Variants in DUSP9 observed in about 807,000 individuals in gnomAD.
The protein encoded by DUSP9 is dual specificity protein phosphatase 9.
A neutral mutation model predicts 13.2 loss-of-function variants in DUSP9; 4 were observed. That is an observed-to-expected ratio of 0.30 (90% confidence interval 0.15 to 0.69). DUSP9 has a LOEUF of 0.69. DUSP9 is among the 30% of genes least tolerant of loss of function. The pLI, the probability that DUSP9 is intolerant of heterozygous loss-of-function variation, is 0.73. For synonymous variants in DUSP9, 166 were observed against 172.3 expected (o/e 0.96, Z 0.29); for missense variants, 263 against 355.0 (o/e 0.74, Z 2.08).
chrX:153,649,987 C>T lies in DUSP9; in HGVS notation c.837C>T (p.Ala279=). 1 of 1,209,462 alleles carries T rather than the reference C, an allele frequency of 8.3e-7. No homozygotes were observed. Among genetic ancestry groups the T allele is most frequent in the Non-Finnish European group, 1.1e-6 (1 of 894,788 alleles). Residue 279 remains alanine (A), a synonymous_variant, in exon 4 of 4, where the codon GCC becomes GCT. Coordinates refer to ENST00000342782, the MANE Select transcript of DUSP9 (RefSeq NM_001318503.2). ...CTTTCCTGCCCCATCTAGATGAGGC[C>T]TTGTCCCAGAACTGCGGGGTGCTCG... ...FPEAIEFIDE[A]LSQNCGVLVH...
upstream of DUSP9, among the ~76,000 whole-genome samples, chrX:153,646,202 C>T (rs1323331712): frequency 1.8e-5 from 2 of 112,711 alleles, no homozygotes; most frequent in African/African-American, 3.2e-5. Context: ...GGTCTCCTGC[C>T]TCAGTGCTCA....
At chrX:153,645,053 G>A (rs782074331), upstream of DUSP9, among the ~76,000 whole-genome samples, 3 of 113,087 alleles carry the variant, frequency 2.7e-5, no homozygotes, top group African/African-American at 6.4e-5. Context: ...ACCCACAGCT[G>A]CAGTGGGCCT....
At chrX:153,649,708 C>T (rs781924125) in intron 3 of DUSP9, 21 bp downstream of exon 3, 1 of 1,155,035 alleles carries the variant, frequency 8.7e-7, no homozygotes, top group South Asian at 1.9e-5. Flanking sequence ...CCCACCCACC[C>T]TTCCCTCCTG....
At position 153,651,190 on chromosome X, in the gene DUSP9, G is replaced by T. The variant is rs1381314882; in HGVS notation, c.*885G>T. 2 of 112,965 alleles carry T rather than the reference G, an allele frequency of 1.8e-5. No homozygotes were observed. The highest frequency in any genetic ancestry group is 3.8e-5 in the Non-Finnish European group (2 of 53,301). 9.3% of individuals were successfully genotyped at this position (112,965 alleles called of 1,213,427 possible). A position where few individuals can be genotyped will look rare whatever the true frequency, so the allele number is the denominator to read the frequency against. On this transcript the variant is annotated 3_prime_UTR_variant, in exon 4 of 4. Coordinates refer to ENST00000342782, the MANE Select transcript of DUSP9 (RefSeq NM_001318503.2). ...AGCCCACTGATGCACCCAGCCCAGG[G>T]CTGGCAGTCTTTGCAGCGTGGGGCC...
rs781917662 is a variant in DUSP9, at chrX:153,650,288, G to A, written c.1138G>A (p.Glu380Lys). 28 of 1,192,335 alleles carry A rather than the reference G, an allele frequency of 2.3e-5. No homozygotes were observed. In the East Asian group the frequency reaches 5.4e-4, roughly 23 times the overall value. ...FTTPTSDGAF[E>K]LAPT ...CACCCCCACCAGTGATGGCGCCTTCGAGCTGGCCCCCACCTAGGGCCCCGT... is the reference window on the plus strand; with the variant it reads ...CACCCCCACCAGTGATGGCGCCTTCAAGCTGGCCCCCACCTAGGGCCCCGT... Residue 380 changes from glutamate to lysine, a missense_variant, in exon 4 of 4, where the codon GAG (glutamate) becomes AAG (lysine). Glu to Lys is a moderately conservative substitution (Grantham distance 56). Transcript: ENST00000342782.
chrX:153,643,570 C>A, upstream of DUSP9: 1 of 326,906 alleles, frequency 3.1e-6, no homozygotes, highest in Non-Finnish European at 6.1e-6. Context: ...CGGGGAGGGG[C>A]GGGGAGGCGG....
rs370510902 is a variant in DUSP9 at position 153,649,180 on chromosome X, C to T, written c.374-52C>T. On this transcript the variant is annotated intron_variant, in intron 2 of 3. Coordinates refer to ENST00000342782, the MANE Select transcript of DUSP9 (RefSeq NM_001318503.2). The stretch of plus-strand genomic sequence containing the variant: ...ATCTCCCCAGCCCCAGACAGAGGCA[C>T]TTGGCTGCCCAGAAGGCCAGGTCAG... 7.5e-4 allele frequency: 862 copies of T among 1,146,445 alleles called. 3 individuals are homozygous for T. The African/African-American group carries it at 0.014, about 18-fold the overall frequency. 94.5% of individuals were successfully genotyped at this position (1,146,445 alleles called of 1,213,427 possible).
chrX:153,649,614 C>A lies in DUSP9; in HGVS notation c.756C>A (p.Tyr252Ter). 8.3e-7 allele frequency: 1 copy of A among 1,212,038 alleles called. No individual in the cohort carries two copies. The change falls in exon 3 of 4, where the codon TAC (tyrosine) becomes TAA (stop). Residue 252 changes from tyrosine to a stop codon, truncating the protein, a stop_gained. Coordinates refer to ENST00000342782, the MANE Select transcript of DUSP9 (RefSeq NM_001318503.2). LOFTEE classifies it high-confidence loss of function. Reference protein sequence around the residue: ...NFFEKNGDFHYKQIPISDHWS... With the variant: ...NFFEKNGDFH ...TCGAGAAGAATGGTGACTTTCACTA[C>A]AAGCAGATCCCCATCTCCGACCACT...
chrX:153,650,037 G>A lies in DUSP9; in HGVS notation c.887G>A (p.Arg296His). ...VLVHCLAGVS[R>H]SVTVTVAYLM... Reference sequence around the variant, plus strand: ...GTCCACTGCTTGGCGGGGGTCAGCCGTTCTGTCACCGTCACTGTGGCCTAC... The same window carrying A: ...GTCCACTGCTTGGCGGGGGTCAGCCATTCTGTCACCGTCACTGTGGCCTAC... The change falls in exon 4 of 4, where the codon CGT becomes CAT. Residue 296 changes from arginine to histidine, a missense_variant. Physicochemically the swap from Arg to His is conservative, Grantham distance 29. Transcript: ENST00000342782. 1 of 1,210,976 alleles carries A rather than the reference G, an allele frequency of 8.3e-7. No individual in the cohort carries two copies. The highest frequency in any genetic ancestry group is 1.1e-6 in the Non-Finnish European group (1 of 895,351).
Position 153,649,345 on chromosome X carries a change from G to C in DUSP9, c.487G>C (p.Gly163Arg). ...CGGTCCAGTGCCCGTGGTGGGGTTG[G>C]GCAGCCTGTGCCTGGGCTCCGACTG... ...VPGPVPVVGL[G>R]SLCLGSDCSD... Residue 163 changes from glycine (G) to arginine (R), a missense_variant, in exon 3 of 4, where the codon GGC (glycine) becomes CGC (arginine). By Grantham distance (125) the Gly-to-Arg change is moderately radical (BLOSUM62 -2). Transcript: ENST00000342782. The C allele has an allele frequency of 8.3e-7, 1 of 1,210,912 alleles. No individual in the cohort carries two copies.
chrX:153,648,053 G>A lies in DUSP9; in HGVS notation c.100G>A (p.Glu34Lys). ...LLDCRSRELY[E>K]SARIGGALSV... is the part of the protein sequence containing the mutation. ...GGACTGCCGCAGCCGCGAGCTGTAC[G>A]AGTCGGCGCGCATCGGTGGGGCGCT... Residue 34 changes from glutamate (E) to lysine (K), a missense_variant, in exon 2 of 4, where the codon GAG becomes AAG. Transcript: ENST00000342782. 9.3e-7 allele frequency: 1 copy of A among 1,069,712 alleles called. No homozygotes were observed. The highest frequency in any genetic ancestry group is 1.2e-6 in the Non-Finnish European group (1 of 832,729). 88.2% of individuals were successfully genotyped at this position (1,069,712 alleles called of 1,213,427 possible).
chrX:153,646,051 G>A (rs1426905324), upstream of DUSP9, among the ~76,000 whole-genome samples: 1 of 112,852 alleles, frequency 8.9e-6, no homozygotes, highest in African/African-American at 3.2e-5. Flanking sequence ...ATCTACAGGG[G>A]TCTTAACCTT....
intron 3 of DUSP9, 34 bp from the exon 4 acceptor site, chrX:153,649,946 C>T: frequency 8.4e-7 from 1 of 1,185,206 alleles, no homozygotes. Context: ...CGCCTGCCCT[C>T]CGGGTCTCCC....
In DUSP9 at chrX:153,650,406, A is replaced by G; in HGVS notation, c.*101A>G. 1 of 649,808 alleles carries G rather than the reference A, an allele frequency of 1.5e-6. No homozygotes were observed. The highest frequency in any genetic ancestry group is 2.9e-5 in the South Asian group (1 of 34,710). 53.6% of individuals were successfully genotyped at this position (649,808 alleles called of 1,213,427 possible). A position where few individuals can be genotyped will look rare whatever the true frequency, so the allele number is the denominator to read the frequency against. On this transcript the variant is annotated 3_prime_UTR_variant, in exon 4 of 4. Coordinates refer to ENST00000342782, the MANE Select transcript of DUSP9 (RefSeq NM_001318503.2). Reference sequence around the variant, plus strand: ...GGGGAGGGCAGGAGGGCTCGGCCTGAGCAGGGTGCTGGGGGGAGAGCGCAA... The same window carrying G: ...GGGGAGGGCAGGAGGGCTCGGCCTGGGCAGGGTGCTGGGGGGAGAGCGCAA...
At chrX:153,644,425 G>A (rs2091181119), upstream of DUSP9, among the ~76,000 whole-genome samples, 1 of 107,403 alleles carries the variant, frequency 9.3e-6, no homozygotes, top group African/African-American at 3.3e-5. Context: ...CCAGCACAGC[G>A]CACCCGGGAG....
upstream of DUSP9, among the ~76,000 whole-genome samples, chrX:153,642,815 G>A (rs2091174098): frequency 9.1e-6 from 1 of 109,491 alleles, no homozygotes; most frequent in South Asian, 4.0e-4. Flanking sequence ...CGTGTCTCCT[G>A]CCACTTGCAC....
chrX:153,648,006 C>G lies in DUSP9; in HGVS notation c.53C>G (p.Pro18Arg). 1 of 1,103,119 alleles carries G rather than the reference C, an allele frequency of 9.1e-7. No homozygotes were observed. The allele number at this position is 1,103,119 out of a possible 1,213,427, so 90.9% of individuals were successfully genotyped here. The change falls in exon 2 of 4, where the codon CCG becomes CGG. Residue 18 changes from proline to arginine, a missense_variant. Physicochemically the swap from Pro to Arg is moderately radical, Grantham distance 103 (BLOSUM62 -2). Coordinates refer to ENST00000342782, the MANE Select transcript of DUSP9 (RefSeq NM_001318503.2). Reference protein sequence around the residue: ...CLWLRRELSPPRPRLLLLDCR... With the variant: ...CLWLRRELSPRRPRLLLLDCR... ...TGGCTGCGTCGGGAGCTGTCGCCCC[C>G]GCGGCCGCGGCTCCTGCTCCTGGAC...
At chrX:153,642,867 C>A (rs891773568), upstream of DUSP9, among the ~76,000 whole-genome samples, 2 of 109,208 alleles carry the variant, frequency 1.8e-5, no homozygotes, top group Admixed American at 1.9e-4. Flanking sequence ...CACCACAGAC[C>A]CGGGTGCCTG....
At chrX:153,649,936 C>G (rs782533169) in intron 3 of DUSP9, 44 bp from the exon 4 acceptor site, 10 of 1,171,554 alleles carry the variant, frequency 8.5e-6, no homozygotes, top group Middle Eastern at 4.9e-4. Context: ...GCCTCACACA[C>G]GCCTGCCCTC....
Sources: allele counts gnomAD v4.1 joint callset (sites outside exome capture counted in the v4.1 genomes callset), GRCh38; gene constraint gnomAD v4.1.1; transcripts MANE v1.5; gene names NCBI Gene and HGNC (gene_info 2026-07-23, HGNC 2026-07-21).